Variants in OTOF observed in about 807,000 individuals in gnomAD.
The protein encoded by OTOF is fer-1-like family member 2.
In OTOF, 218 loss-of-function variants were observed where a neutral mutation model predicts 236.8. The ratio of observed to expected loss-of-function variants is 0.92; its 90% CI spans 0.82 to 1.03. The LOEUF (loss-of-function observed/expected upper bound fraction) is 1.03, where lower values mean the gene tolerates loss of function less well. Among genes scored for constraint, OTOF ranks in the 50% least tolerant of loss-of-function variants. OTOF has a pLI of 0.00. For missense variants in OTOF, 2,590 were observed against 2,694.4 expected, an observed-to-expected ratio of 0.96 and a Z score of 0.86; for synonymous variants, 1,041 against 1,072.5, an observed-to-expected ratio of 0.97 and a Z score of 0.57.
chr2:26,521,022 T>G, intron 3 of OTOF, among the ~76,000 whole-genome samples: 1 of 152,202 alleles, frequency 6.6e-6, no homozygotes, highest in Non-Finnish European at 1.5e-5. Flanking sequence ...ACTCCCGCCA[T>G]GGCCAACTTC....
In OTOF at chr2:26,470,675, T is replaced by G; in HGVS notation, c.3941A>C (p.Glu1314Ala). Residue 1314 changes from glutamate (E) to alanine (A), a missense_variant, in exon 32 of 47, where the codon GAG becomes GCG. Coordinates refer to ENST00000272371, the MANE Select transcript of OTOF (RefSeq NM_194248.3). The surrounding 1 kb of genome is among the most constrained non-coding windows in gnomAD (Gnocchi z 4.3). ...EKKKKKKGTAEEPEEEEPDES... is the reference protein window; with the variant it reads ...EKKKKKKGTAAEPEEEEPDES... ...GTCTGGCTCCTCCTCCTCTGGCTCCTCCGCAGTGCCCTTCTTCTTCTTCTT... is the reference window on the plus strand; with the variant it reads ...GTCTGGCTCCTCCTCCTCTGGCTCCGCCGCAGTGCCCTTCTTCTTCTTCTT... 1 of 1,614,006 alleles carries G rather than the reference T, an allele frequency of 6.2e-7. No homozygotes were observed. The highest frequency in any genetic ancestry group is 8.5e-7 in the Non-Finnish European group (1 of 1,179,950).
At chr2:26,529,448 T>C (rs960601791) in intron 2 of OTOF, among the ~76,000 whole-genome samples, 4 of 152,206 alleles carry the variant, frequency 2.6e-5, no homozygotes, top group Non-Finnish European at 5.9e-5. Flanking sequence ...GTCTTTCCAA[T>C]GGCCGGAGAG....
At chr2:26,479,133 A>T (rs549992816) in intron 18 of OTOF, 131 bp downstream of exon 18, 1 of 1,203,212 alleles carries the variant, frequency 8.3e-7, no homozygotes, top group African/African-American at 1.5e-5. Flanking sequence ...TGAGAATGGG[A>T]ACAGAGGTCC....
intron 40 of OTOF, 84 bp from the exon 41 acceptor site, chr2:26,463,655 G>A: frequency 8.6e-7 from 1 of 1,159,020 alleles, no homozygotes; most frequent in East Asian, 2.6e-5. Flanking sequence ...CCTAACCTTT[G>A]TTCTGTCAAG....
chr2:26,468,398 C>T lies in OTOF; in HGVS notation c.4090+10G>A. ...GAGGAGGAGGCAGAGTTCCAGGTTC[C>T]AGGGCTCACCCTCGGTATTGTCCAC... On this transcript the variant is annotated intron_variant, in intron 33 of 46. Transcript: ENST00000272371. The T allele has an allele frequency of 6.2e-7, 1 of 1,611,744 alleles. No individual in the cohort carries two copies. The highest frequency in any genetic ancestry group is 8.5e-7 in the Non-Finnish European group (1 of 1,177,872).
chr2:26,477,915 G>A lies in OTOF; in HGVS notation c.2215-166C>T. 1.3e-6 allele frequency: 2 copies of A among 1,522,934 alleles called. No individual in the cohort carries two copies. Among genetic ancestry groups the A allele is most frequent in the Non-Finnish European group, 1.8e-6 (2 of 1,133,856 alleles). The allele number at this position is 1,522,934 out of a possible 1,614,324, so 94.3% of individuals were successfully genotyped here. A position where few individuals can be genotyped will look rare whatever the true frequency, so the allele number is the denominator to read the frequency against. ...TCATGAGGAAGTCATCAATTTCCCAGGTTCTGTTCTCAGAACCTGGAGATG... is the reference window on the plus strand; with the variant it reads ...TCATGAGGAAGTCATCAATTTCCCAAGTTCTGTTCTCAGAACCTGGAGATG... On this transcript the variant is annotated intron_variant, in intron 18 of 46. Coordinates refer to ENST00000272371, the MANE Select transcript of OTOF (RefSeq NM_194248.3). This position sits in a 1 kb window ranked among gnomAD's most constrained non-coding sequence, Gnocchi z 4.7.
rs199687628 is a variant in OTOF at position 26,489,746 on chromosome 2, G to T, written c.898-6C>A. The T allele has an allele frequency of 1.4e-4, 233 of 1,610,876 alleles. No homozygotes were observed. Among genetic ancestry groups the T allele is most frequent in the Admixed American group, 2.2e-4 (13 of 60,022 alleles). ...TGGAAGTCGAAGACGAAGTACTGGA[G>T]GGGGAAGGATCCAGGCCTGCTGTCA... On this transcript the variant is annotated splice_region_variant and splice_polypyrimidine_tract_variant and intron_variant, in intron 9 of 46. Coordinates refer to ENST00000272371, the MANE Select transcript of OTOF (RefSeq NM_194248.3).
At chr2:26,466,484 G>A (rs761180673) in intron 36 of OTOF, among the ~76,000 whole-genome samples, 3 of 152,146 alleles carry the variant, frequency 2.0e-5, no homozygotes, top group Non-Finnish European at 2.9e-5. Flanking sequence ...TTACAGGTGC[G>A]TGGCACTGTG....
chr2:26,552,933 A>G (rs1667499382), intron 1 of OTOF, among the ~76,000 whole-genome samples: 1 of 152,220 alleles, frequency 6.6e-6, no homozygotes, highest in Non-Finnish European at 1.5e-5. Context: ...ACCACAGCCC[A>G]CAGACAGGCC....
rs1665259770 is a variant in OTOF, at chr2:26,476,247, A to T, written c.2747T>A (p.Leu916Gln). The T allele has an allele frequency of 5.0e-6, 8 of 1,607,886 alleles. No individual in the cohort carries two copies. The highest frequency in any genetic ancestry group is 6.8e-6 in the Non-Finnish European group (8 of 1,179,804). Residue 916 changes from leucine (L) to glutamine (Q), a missense_variant, in exon 23 of 47, where the codon CTG (leucine) becomes CAG (glutamine). Around this residue, in one of 2 missense-constraint regions of OTOF, gnomAD observed 1,379 missense variants for 1,341.6 expected, o/e 1.03. Coordinates refer to ENST00000272371, the MANE Select transcript of OTOF (RefSeq NM_194248.3). ...VQAKVELYLW[L>Q]GLSKQRKEFL... Reference sequence around the variant, plus strand: ...CTCCTTGCGCTGTTTGCTGAGGCCCAGCCACAGGTACAGCTCCACCTTGGC... The same window carrying T: ...CTCCTTGCGCTGTTTGCTGAGGCCCTGCCACAGGTACAGCTCCACCTTGGC...
intron 11 of OTOF, among the ~76,000 whole-genome samples, chr2:26,487,303 G>A (rs953761892): frequency 3.3e-5 from 5 of 152,140 alleles, no homozygotes; most frequent in Non-Finnish European, 5.9e-5. Context: ...AAGACATTGG[G>A]TCTCAACTCC....
chr2:26,476,088 C>T, intron 23 of OTOF, 40 bp downstream of exon 23: 2 of 1,611,626 alleles, frequency 1.2e-6, no homozygotes, highest in East Asian at 2.2e-5. Flanking sequence ...CCCTCCGGCC[C>T]CCTCCCAGGT....
chr2:26,465,741 T>C lies in OTOF; in HGVS notation c.4730A>G (p.Lys1577Arg), dbSNP rs770630439. 1.9e-6 allele frequency: 3 copies of C among 1,614,252 alleles called. No homozygotes were observed. In the South Asian group the frequency reaches 3.3e-5, roughly 18 times the overall value. Residue 1577 changes from lysine (K) to arginine (R), a missense_variant, in exon 38 of 47, where the codon AAG becomes AGG. By Grantham distance (26) the Lys-to-Arg change is conservative. Coordinates refer to ENST00000272371, the MANE Select transcript of OTOF (RefSeq NM_194248.3). ...GTAGAAGCGGTTCTCCAGGTCGATC[T>C]TGGTTTCCCCAATGAGGTCATCAGT... is the stretch of plus-strand genomic sequence containing the variant. Reference protein sequence around the residue: ...VGTDDLIGETKIDLENRFYSK... With the variant: ...VGTDDLIGETRIDLENRFYSK...
chr2:26,536,929 GGT>G (rs367608947), intron 2 of OTOF, among the ~76,000 whole-genome samples: 2 of 152,068 alleles, frequency 1.3e-5, no homozygotes, highest in Non-Finnish European at 2.9e-5. Flanking sequence ...TGCTCGAGCT[GGT>G]GTGTGTGTGT....
In OTOF at chr2:26,489,246, A is replaced by G. The variant is rs1665776362; in HGVS notation, c.1010T>C (p.Phe337Ser). 1 of 1,613,062 alleles carries G rather than the reference A, an allele frequency of 6.2e-7. No homozygotes were observed. The highest frequency in any genetic ancestry group is 8.5e-7 in the Non-Finnish European group (1 of 1,179,830). The change falls in exon 11 of 47, where the codon TTC becomes TCC. Residue 337 changes from phenylalanine (F) to serine (S), a missense_variant. Coordinates refer to ENST00000272371, the MANE Select transcript of OTOF (RefSeq NM_194248.3). ...GTACACGGTTCCCACGTCCATTTTG[A>G]AGGAGCCCACCAGGGTGCCACTGCG... ...LLRSGTLVGS[F>S]KMDVGTVYSQ... is the part of the protein sequence containing the mutation.
At chr2:26,476,481 G>T (rs1267412566) in intron 22 of OTOF, among the ~76,000 whole-genome samples, 164 bp from the exon 23 acceptor site, 1 of 126,160 alleles carries the variant, frequency 7.9e-6, no homozygotes, top group African/African-American at 3.1e-5. Context: ...GCAGGGGGCC[G>T]TCATGCCCCC....
intron 36 of OTOF, chr2:26,466,433 T>C: frequency 2.0e-6 from 1 of 511,756 alleles, no homozygotes; most frequent in Non-Finnish European, 3.6e-6. Context: ...ACCTCCCAGG[T>C]TCAAGCGATT....
At position 26,470,467 on chromosome 2, in the gene OTOF, C is replaced by T. The variant is rs1364581018; in HGVS notation, c.4023+126G>A. On this transcript the variant is annotated intron_variant, in intron 32 of 46. Coordinates refer to ENST00000272371, the MANE Select transcript of OTOF (RefSeq NM_194248.3). This position sits in a 1 kb window ranked among gnomAD's most constrained non-coding sequence, Gnocchi z 4.3. ...GAGCTAGGATTTCAAGGATGTGAGA[C>T]AAAACCATCCCAAACTCACATGAAT... 2.1e-6 allele frequency: 2 copies of T among 967,132 alleles called. No individual in the cohort carries two copies. Among genetic ancestry groups the T allele is most frequent in the Non-Finnish European group, 3.3e-6 (2 of 604,874 alleles). The allele number at this position is 967,132 out of a possible 1,614,324, so 59.9% of individuals were successfully genotyped here. A position where few individuals can be genotyped will look rare whatever the true frequency, so the allele number is the denominator to read the frequency against.
chr2:26,508,132 A>G (rs1666295406), intron 5 of OTOF, among the ~76,000 whole-genome samples: 1 of 152,170 alleles, frequency 6.6e-6, no homozygotes, highest in Non-Finnish European at 1.5e-5. Flanking sequence ...CTGCCCCATG[A>G]CTGGCTTCAA....
Sources: gnomAD v4.1 joint callset for allele counts (sites outside exome capture counted in the v4.1 genomes callset) on GRCh38, gnomAD v4.1.1 for gene constraint, gnomAD v4.1.1 regional missense constraint, Gnocchi (gnomAD v3.1) non-coding constraint, MANE v1.5 for transcripts, NCBI Gene and HGNC (gene_info 2026-07-23, HGNC 2026-07-21) for gene names.